CDH26: variants seen among roughly 807,000 people sequenced by gnomAD.
The protein encoded by CDH26 is cadherin-like protein 26.
Under a neutral mutation model 90.3 loss-of-function variants are expected in CDH26, and 83 were observed. The observed-to-expected ratio is 0.92, with a 90% CI of 0.77 to 1.10. CDH26 has a LOEUF of 1.10. Among genes scored for constraint, CDH26 ranks in the 50% least tolerant of loss-of-function variants. CDH26 has a pLI of 0.00. For missense variants in CDH26, 1,013 were observed against 1,037.6 expected, an observed-to-expected ratio of 0.98 and a Z score of 0.33; for synonymous variants, 397 against 396.3, an observed-to-expected ratio of 1.00 and a Z score of -0.02.
chr20:59,967,914 CT>C (rs1439804489), intron 1 of CDH26, among the ~76,000 whole-genome samples: 40 of 124,806 alleles, frequency 3.2e-4, no homozygotes, highest in African/African-American at 1.0e-3. Flanking sequence ...CCTTCCTTTC[CT>C]TTCCTTTCCT....
At chr20:59,963,442 G>GT (rs1320181911) in intron 1 of CDH26, among the ~76,000 whole-genome samples, 1 of 151,884 alleles carries the variant, frequency 6.6e-6, no homozygotes, top group Non-Finnish European at 1.5e-5. Flanking sequence ...GTAGAGACAG[G>GT]TTTTTGCCAT....
Position 59,995,887 on chromosome 20 carries a change from T to C in CDH26, c.1721T>C (p.Val574Ala), listed in dbSNP as rs1443829062. ...LRSLPRGNYLVPLFIGDKQGL... is the reference protein window; with the variant it reads ...LRSLPRGNYLAPLFIGDKQGL... Reference sequence around the variant, plus strand: ...AGCCTGCCACGTGGTAATTACTTGGTGCCACTCTTCATTGGAGACAAACAG... The same window carrying C: ...AGCCTGCCACGTGGTAATTACTTGGCGCCACTCTTCATTGGAGACAAACAG... Residue 574 changes from valine to alanine, a missense_variant, in exon 12 of 18, where the codon GTG (valine) becomes GCG (alanine). Transcript: ENST00000348616. 6.2e-7 allele frequency: 1 copy of C among 1,614,266 alleles called. No homozygotes were observed. Among genetic ancestry groups the C allele is most frequent in the East Asian group, 2.2e-5 (1 of 44,888 alleles).
intron 17 of CDH26, among the ~76,000 whole-genome samples, chr20:60,008,623 CAG>C (rs2061785803): frequency 6.6e-6 from 1 of 152,162 alleles, no homozygotes; most frequent in Non-Finnish European, 1.5e-5. Context: ...GGATGACAGA[CAG>C]GGCTGTGAAC....
intron 4 of CDH26, among the ~76,000 whole-genome samples, chr20:59,980,372 G>A (rs923570604): frequency 6.6e-6 from 1 of 151,338 alleles, no homozygotes; most frequent in African/African-American, 2.4e-5. Context: ...TCAGTTCACT[G>A]CAACCTCCAC....
chr20:59,995,995 A>T lies in CDH26; in HGVS notation c.1829A>T (p.Glu610Val). The change falls in exon 12 of 18, where the codon GAA (glutamate) becomes GTA (valine). Residue 610 changes from glutamate (E) to valine (V), a missense_variant. Coordinates refer to ENST00000348616, the MANE Select transcript of CDH26 (RefSeq NM_177980.4). ...ACATGTGTGGAGCTTGCAGATGCAG[A>T]AGTGGGGCTTCATGTGGGGGCCCTG... ...GLTCVELADA[E>V]VGLHVGALFP... 6.2e-7 allele frequency: 1 copy of T among 1,614,146 alleles called. No individual in the cohort carries two copies. Among genetic ancestry groups the T allele is most frequent in the East Asian group, 2.2e-5 (1 of 44,876 alleles).
chr20:59,974,494 G>T (rs1366526426), intron 4 of CDH26, among the ~76,000 whole-genome samples: 2 of 152,196 alleles, frequency 1.3e-5, no homozygotes, highest in Non-Finnish European at 2.9e-5. Context: ...AGTTGAGTTG[G>T]AAATGCTTGG....
chr20:60,017,061 T>C (rs758216304), downstream of CDH26, among the ~76,000 whole-genome samples: 132 of 152,086 alleles, frequency 8.7e-4, no homozygotes, highest in Non-Finnish European at 1.7e-3. Context: ...TTGGTGATAT[T>C]GGCCTGTAGT....
rs567096891 is a variant in CDH26, at chr20:60,003,014, G to A, written c.2220+148G>A. 9.3e-5 allele frequency: 46 copies of A among 496,390 alleles called. 1 individual carries two copies. Among genetic ancestry groups the A allele is most frequent in the Admixed American group, 2.3e-4 (6 of 25,962 alleles). The allele number at this position is 496,390 out of a possible 1,614,324, so 30.7% of individuals were successfully genotyped here. On this transcript the variant is annotated intron_variant, in intron 16 of 17. Transcript: ENST00000348616. ...CATCCAAGCAAACTGAAGGAGAAGCGAACGTGAAGAGAGGTTGGAAGTAGT... is the reference window on the plus strand; with the variant it reads ...CATCCAAGCAAACTGAAGGAGAAGCAAACGTGAAGAGAGGTTGGAAGTAGT...
chr20:59,961,952 G>C (rs556361338), intron 1 of CDH26, among the ~76,000 whole-genome samples: 6 of 152,156 alleles, frequency 3.9e-5, no homozygotes, highest in Admixed American at 3.9e-4. Context: ...TGGTGGTGGC[G>C]TTGTTACCAA....
At chr20:60,015,810 A>G (rs2061900691), downstream of CDH26, among the ~76,000 whole-genome samples, 1 of 152,126 alleles carries the variant, frequency 6.6e-6, no homozygotes, top group African/African-American at 2.4e-5. Context: ...ATAGGGTGAG[A>G]GAGGGGAGTC....
At chr20:60,035,234 C>A (rs928884151), downstream of CDH26, among the ~76,000 whole-genome samples, 1 of 152,192 alleles carries the variant, frequency 6.6e-6, no homozygotes, top group Non-Finnish European at 1.5e-5. Context: ...CTACAACAAA[C>A]AGTCCTGCTG....
intron 4 of CDH26, among the ~76,000 whole-genome samples, chr20:59,972,588 C>T (rs1383103345): frequency 6.6e-6 from 1 of 152,162 alleles, no homozygotes; most frequent in Non-Finnish European, 1.5e-5. Context: ...ATCACTGCAA[C>T]ACTGTGGTTT....
chr20:59,987,597 A>G lies in CDH26; in HGVS notation c.982A>G (p.Thr328Ala), dbSNP rs2061475182. The G allele has an allele frequency of 6.2e-7, 1 of 1,613,864 alleles. No homozygotes were observed. The change falls in exon 8 of 18, where the codon ACT becomes GCT. Residue 328 changes from threonine (T) to alanine (A), a missense_variant. Thr to Ala is a moderately conservative substitution (Grantham distance 58, BLOSUM62 0). Coordinates refer to ENST00000348616, the MANE Select transcript of CDH26 (RefSeq NM_177980.4). Reference sequence around the variant, plus strand: ...TGAAGAGGGGCATTTTGACATTTCGACTGACCCTGAGACCAACGAAGGGAT... The same window carrying G: ...TGAAGAGGGGCATTTTGACATTTCGGCTGACCCTGAGACCAACGAAGGGAT... ...GNEEGHFDISTDPETNEGILN... is the reference protein window; with the variant it reads ...GNEEGHFDISADPETNEGILN...
intron 5 of CDH26, 133 bp downstream of exon 5, chr20:59,983,203 C>T: frequency 1.9e-6 from 2 of 1,074,980 alleles, no homozygotes; most frequent in Non-Finnish European, 2.6e-6. Context: ...AGATCGCAGG[C>T]CTTGGATCTG....
chr20:59,996,518 A>G (rs2061598773), intron 12 of CDH26, 113 bp from the exon 13 acceptor site: 4 of 1,613,666 alleles, frequency 2.5e-6, no homozygotes, highest in East Asian at 4.5e-5. Context: ...CTAAGACGCA[A>G]TTTGGCCTTG....
intron 12 of CDH26, 100 bp from the exon 13 acceptor site, chr20:59,996,531 A>C (rs1381654077): frequency 6.2e-7 from 1 of 1,614,040 alleles, no homozygotes; most frequent in Admixed American, 1.7e-5. Flanking sequence ...TGGCCTTGCC[A>C]GTTCATGACT....
intron 7 of CDH26, 139 bp from the exon 8 acceptor site, chr20:59,987,314 G>A: frequency 1.5e-6 from 1 of 676,720 alleles, no homozygotes; most frequent in Non-Finnish European, 2.4e-6. Flanking sequence ...GGAATATCCA[G>A]GGTGTTGTGA....
At chr20:59,970,789 G>A (rs901960801) in intron 3 of CDH26, among the ~76,000 whole-genome samples, 79 of 150,984 alleles carry the variant, frequency 5.2e-4, no homozygotes, top group African/African-American at 1.7e-3. Flanking sequence ...CAGCCTGGGC[G>A]ACAGCGAGAC....
intron 7 of CDH26, among the ~76,000 whole-genome samples, chr20:60,023,960 G>GAGAGA (rs1555903940): frequency 1.4e-5 from 2 of 147,204 alleles, no homozygotes; most frequent in African/African-American, 5.0e-5. Context: ...GCTGACAGAG[G>GAGAGA]GAGAGAGAGA....
Sources: gnomAD v4.1 joint callset for allele counts (sites outside exome capture counted in the v4.1 genomes callset) on GRCh38, gnomAD v4.1.1 for gene constraint, MANE v1.5 for transcripts, NCBI Gene and HGNC (gene_info 2026-07-23, HGNC 2026-07-21) for gene names.